FOLH1: variants seen among roughly 807,000 people sequenced by gnomAD.
The protein encoded by FOLH1 is glutamate carboxypeptidase 2.
Under a neutral mutation model 93.9 loss-of-function variants are expected in FOLH1, and 54 were observed. That is an observed-to-expected ratio of 0.57 (90% CI 0.46 to 0.72). The LOEUF (loss-of-function observed/expected upper bound fraction) is 0.72. Ranked by LOEUF, FOLH1 falls within the 30% of genes least tolerant of loss-of-function variation. The pLI, the probability that FOLH1 is intolerant of heterozygous loss-of-function variation, is 0.00. For missense variants in FOLH1, 571 were observed against 892.5 expected (o/e 0.64, Z 4.59); for synonymous variants, 249 against 303.6 (o/e 0.82, Z 1.87).
In FOLH1 at chr11:49,185,999, G is replaced by A. The variant is rs907554787; in HGVS notation, c.640-144C>T. On this transcript the variant is annotated intron_variant, in intron 5 of 18. Transcript: ENST00000256999. ...TTAGGCCTACAACAAAGGACATCTC[G>A]GATAGAATTTCCCTTTTCTTTTTGC... 11 of 1,095,252 alleles carry A rather than the reference G, an allele frequency of 1.0e-5. No homozygotes were observed. The African/African-American group carries it at 1.6e-4, about 16-fold the overall frequency. 67.8% of individuals were successfully genotyped at this position (1,095,252 alleles called of 1,614,324 possible). A position where few individuals can be genotyped will look rare whatever the true frequency, so the allele number is the denominator to read the frequency against.
chr11:49,206,202 G>T (rs532375682), intron 1 of FOLH1, 30 bp from the exon 2 acceptor site: 1 of 1,609,846 alleles, frequency 6.2e-7, no homozygotes, highest in South Asian at 1.1e-5. Context: ...ATAGGCATGA[G>T]ATACGAGCCT....
intron 7 of FOLH1, among the ~76,000 whole-genome samples, chr11:49,182,919 T>C (rs1458989601): frequency 1.3e-5 from 2 of 152,162 alleles, no homozygotes. Flanking sequence ...TTAGGTTCCC[T>C]GAAGTTAAAC....
chr11:49,150,818 TTTAA>T (rs1283073081), intron 17 of FOLH1, among the ~76,000 whole-genome samples: 3 of 152,206 alleles, frequency 2.0e-5, no homozygotes, highest in African/African-American at 7.2e-5. Context: ...TATTTCACAA[TTTAA>T]TTAACTGAGA....
chr11:49,208,114 C>T (rs1439043804), intron 1 of FOLH1, 178 bp downstream of exon 1: 1 of 619,468 alleles, frequency 1.6e-6, no homozygotes, highest in Non-Finnish European at 2.9e-6. Context: ...AGCCCTGCAC[C>T]GTTCCCAGCT....
At chr11:49,206,337 A>G in intron 1 of FOLH1, 165 bp from the exon 2 acceptor site, 1 of 1,101,036 alleles carries the variant, frequency 9.1e-7, no homozygotes, top group Non-Finnish European at 1.3e-6. Context: ...CTTTCACTGA[A>G]AAAGAGTCAT....
At chr11:49,182,313 A>G in intron 7 of FOLH1, among the ~76,000 whole-genome samples, 1 of 113,206 alleles carries the variant, frequency 8.8e-6, no homozygotes, top group African/African-American at 3.5e-5. Flanking sequence ...TGGGCAACAG[A>G]GTGAGACACT....
In FOLH1 at chr11:49,146,302, C is replaced by T. The variant is rs1197721872; in HGVS notation, c.*454G>A. On this transcript the variant is annotated 3_prime_UTR_variant, in exon 19 of 19. Coordinates refer to ENST00000256999, the MANE Select transcript of FOLH1 (RefSeq NM_004476.3). ...ACTAAAAGTGTGATTTGATCCATTT[C>T]CCAAATAGTGTGCTGAGATAGTGAT... 6.6e-6 allele frequency among the ~76,000 whole-genome samples: 1 copy of T among 152,178 alleles called. No individual in the cohort carries two copies. Among genetic ancestry groups the T allele is most frequent in the Non-Finnish European group, 1.5e-5 (1 of 68,020 alleles).
chr11:49,185,287 T>G (rs2135194794), intron 6 of FOLH1, among the ~76,000 whole-genome samples: 1 of 152,290 alleles, frequency 6.6e-6, no homozygotes, highest in African/African-American at 2.4e-5. Context: ...ATAAGTCTGT[T>G]TATATTCCTT....
At position 49,175,968 on chromosome 11, in the gene FOLH1, C is replaced by T. The variant is rs770810744; in HGVS notation, c.921-11G>A. The T allele has an allele frequency of 6.2e-7, 1 of 1,607,000 alleles. No homozygotes were observed. The highest frequency in any genetic ancestry group is 1.1e-5 in the South Asian group (1 of 89,162). On this transcript the variant is annotated splice_polypyrimidine_tract_variant and intron_variant, in intron 7 of 18. Coordinates refer to ENST00000256999, the MANE Select transcript of FOLH1 (RefSeq NM_004476.3). ...GAGCCACCCATTTTTCTATTGGACA[C>T]AAAAAAACATTATTAGCCACAAAAA... is the stretch of plus-strand genomic sequence containing the variant.
chr11:49,171,420 G>A (rs1274021990), intron 10 of FOLH1, 143 bp from the exon 11 acceptor site: 16 of 1,177,504 alleles, frequency 1.4e-5, no homozygotes, highest in Admixed American at 9.4e-5. Context: ...CTTTACTTAC[G>A]TAACTTTTTT....
At chr11:49,208,170 C>A (rs1469040054) in intron 1 of FOLH1, 122 bp downstream of exon 1, 15 of 731,590 alleles carry the variant, frequency 2.1e-5, no homozygotes, top group Middle Eastern at 3.9e-4. Flanking sequence ...TTACCCCGAC[C>A]CTAATCGCCG....
At chr11:49,148,187 C>A (rs1855999827) in intron 18 of FOLH1, among the ~76,000 whole-genome samples, 1 of 151,260 alleles carries the variant, frequency 6.6e-6, no homozygotes, top group Non-Finnish European at 1.5e-5. Flanking sequence ...ATCTAAATAT[C>A]AACATTAGGG....
Position 49,200,433 on chromosome 11 carries a change from G to A in FOLH1, c.233C>T (p.Thr78Ile), listed in dbSNP as rs1863147018. Residue 78 changes from threonine (T) to isoleucine (I), a missense_variant, in exon 3 of 19, where the codon ACA becomes ATA. Physicochemically the swap from Thr to Ile is moderately conservative, Grantham distance 89. This residue lies in a region of FOLH1 where 500 missense variants were observed against 822.9 expected (regional missense o/e 0.61). Coordinates refer to ENST00000256999, the MANE Select transcript of FOLH1 (RefSeq NM_004476.3). ...TGTTCCTGCTAAATGTGGTATCTGTGTAAAATTACTGGTGAACAAAAATTG... is the reference window on the plus strand; with the variant it reads ...TGTTCCTGCTAAATGTGGTATCTGTATAAAATTACTGGTGAACAAAAATTG... Reference protein sequence around the residue: ...ENIKKFLYNFTQIPHLAGTEQ... With the variant: ...ENIKKFLYNFIQIPHLAGTEQ... 6.2e-7 allele frequency: 1 copy of A among 1,612,346 alleles called. No homozygotes were observed. The highest frequency in any genetic ancestry group is 1.3e-5 in the African/African-American group (1 of 74,806).
chr11:49,196,144 A>C (rs1178557575), intron 3 of FOLH1, among the ~76,000 whole-genome samples: 1 of 152,140 alleles, frequency 6.6e-6, no homozygotes, highest in African/African-American at 2.4e-5. Context: ...ACAGAGTAAG[A>C]CTCGGTCAAA....
intron 2 of FOLH1, among the ~76,000 whole-genome samples, chr11:49,205,598 G>A (rs1863823755): frequency 6.6e-6 from 1 of 152,162 alleles, no homozygotes. Flanking sequence ...CAGCAAACTA[G>A]GTTCCACTGG....
intron 7 of FOLH1, among the ~76,000 whole-genome samples, chr11:49,178,181 T>G (rs527607324): frequency 6.6e-6 from 1 of 152,288 alleles, no homozygotes. Flanking sequence ...TCTAACCAGT[T>G]TGTCCATGAC....
chr11:49,172,621 A>G (rs1038415353), intron 10 of FOLH1, among the ~76,000 whole-genome samples: 2 of 152,212 alleles, frequency 1.3e-5, no homozygotes, highest in Admixed American at 6.5e-5. Flanking sequence ...AATACTATGC[A>G]AACAACATAC....
chr11:49,170,934 C>T (rs1331263108), intron 11 of FOLH1, among the ~76,000 whole-genome samples: 1 of 152,168 alleles, frequency 6.6e-6, no homozygotes, highest in Non-Finnish European at 1.5e-5. Flanking sequence ...CTTATTTACT[C>T]TCATACTCCC....
At chr11:49,150,926 T>C (rs978401664) in intron 17 of FOLH1, among the ~76,000 whole-genome samples, 1 of 152,242 alleles carries the variant, frequency 6.6e-6, no homozygotes, top group African/African-American at 2.4e-5. Context: ...CATTTAGTGA[T>C]CATTTCCTAT....
Sources: gnomAD v4.1 joint callset for allele counts (sites outside exome capture counted in the v4.1 genomes callset) on GRCh38, gnomAD v4.1.1 for gene constraint, gnomAD v4.1.1 regional missense constraint, MANE v1.5 for transcripts, NCBI Gene and HGNC (gene_info 2026-07-23, HGNC 2026-07-21) for gene names.